The following RHOH variants were observed in gnomAD, a reference collection of about 807,000 sequenced individuals.
The protein encoded by RHOH is rho-related GTP-binding protein RhoH.
Under a neutral mutation model 13.8 loss-of-function variants are expected in RHOH, and 6 were observed. That is an observed-to-expected ratio of 0.44 (90% CI 0.24 to 0.86). The LOEUF (loss-of-function observed/expected upper bound fraction) is 0.86, where lower values mean the gene tolerates loss of function less well. Among genes scored for constraint, RHOH ranks in the 40% least tolerant of loss-of-function variants. The probability of loss-of-function intolerance (pLI) is 0.24; values close to 1 mark genes in which losing one functional copy is unlikely to be tolerated. For missense variants in RHOH, 147 were observed against 244.5 expected (o/e 0.60, Z 2.66); for synonymous variants, 117 against 103.0 (o/e 1.14, Z -0.82).
intron 1 of RHOH, among the ~76,000 whole-genome samples, chr4:40,211,262 A>G (rs1209346240): frequency 6.6e-6 from 1 of 151,762 alleles, no homozygotes; most frequent in African/African-American, 2.4e-5. Context: ...TTTTTTTTAA[A>G]TTTTATTTAT....
chr4:40,240,771 C>T (rs1729146695), intron 1 of RHOH, among the ~76,000 whole-genome samples: 1 of 151,856 alleles, frequency 6.6e-6, no homozygotes, highest in Non-Finnish European at 1.5e-5. Context: ...AGCAAAACTC[C>T]ATTTCAAAAA....
intron 1 of RHOH, among the ~76,000 whole-genome samples, chr4:40,210,251 C>T (rs1579255144): frequency 6.6e-6 from 1 of 152,162 alleles, no homozygotes; most frequent in Non-Finnish European, 1.5e-5. Context: ...GAAAGTGATA[C>T]AATACCTACC....
intron 1 of RHOH, among the ~76,000 whole-genome samples, chr4:40,217,868 C>T (rs1023014209): frequency 2.6e-5 from 4 of 152,168 alleles, no homozygotes; most frequent in Admixed American, 6.5e-5. Flanking sequence ...GTGTGTGCTA[C>T]TCGAGTGGCG....
At chr4:40,199,522 AC>A (rs1205126190) in intron 1 of RHOH, among the ~76,000 whole-genome samples, 1 of 152,214 alleles carries the variant, frequency 6.6e-6, no homozygotes, top group Non-Finnish European at 1.5e-5. Flanking sequence ...CCATTTGGTA[AC>A]AGTTTCTCTA....
intron 1 of RHOH, among the ~76,000 whole-genome samples, chr4:40,216,307 A>G (rs1282334656): frequency 6.6e-6 from 1 of 151,924 alleles, no homozygotes; most frequent in African/African-American, 2.4e-5. Flanking sequence ...CGTCTCGATT[A>G]AAAATACAAA....
Position 40,221,309 on chromosome 4 carries a change from C to CT in RHOH, c.-330-21398dup, listed in dbSNP as rs574979683. On this transcript the variant is annotated intron_variant, in intron 1 of 2. Coordinates refer to ENST00000381799, the MANE Select transcript of RHOH (RefSeq NM_004310.5). The stretch of plus-strand genomic sequence containing the variant: ...CCTTCCCAGATTGTTCAACTGGTTG[C>CT]TTTTTTTCAGTTACTAATACAGGAA... 2.6e-5 allele frequency among the ~76,000 whole-genome samples: 4 copies of CT among 152,228 alleles called. No individual in the cohort carries two copies. In the South Asian group the frequency reaches 8.3e-4, roughly 32 times the overall value.
chr4:40,193,958 T>G (rs1722879354), upstream of RHOH: 1 of 152,272 alleles, frequency 6.6e-6, no homozygotes, highest in Admixed American at 6.5e-5. Flanking sequence ...CTGGTGGCGT[T>G]TCTTGCTTTG....
chr4:40,198,044 A>T (rs546614544), intron 1 of RHOH, among the ~76,000 whole-genome samples: 35 of 152,346 alleles, frequency 2.3e-4, no homozygotes, highest in Non-Finnish European at 4.4e-4. Flanking sequence ...GAAATATTTT[A>T]AAAATCTCTA....
chr4:40,229,558 T>C (rs956716105), intron 1 of RHOH, among the ~76,000 whole-genome samples: 1 of 151,146 alleles, frequency 6.6e-6, no homozygotes, highest in Non-Finnish European at 1.5e-5. Flanking sequence ...CGCTTGAACC[T>C]TGGGGGTGGA....
chr4:40,223,933 T>C (rs575128502), intron 1 of RHOH, among the ~76,000 whole-genome samples: 3 of 152,122 alleles, frequency 2.0e-5, no homozygotes, highest in African/African-American at 7.2e-5. Flanking sequence ...CCACCATGCC[T>C]GGCTAAGTTT....
intron 1 of RHOH, among the ~76,000 whole-genome samples, chr4:40,204,099 G>A (rs1724355603): frequency 6.6e-6 from 1 of 152,198 alleles, no homozygotes; most frequent in South Asian, 2.1e-4. Flanking sequence ...ACATATGAAA[G>A]TGAATGACAT....
intron 1 of RHOH, among the ~76,000 whole-genome samples, chr4:40,228,410 A>T (rs1271354024): frequency 6.6e-6 from 1 of 152,228 alleles, no homozygotes; most frequent in Non-Finnish European, 1.5e-5. Flanking sequence ...AATAGGATAT[A>T]TAGAAATGGT....
At chr4:40,226,912 A>G (rs1386018921) in intron 1 of RHOH, among the ~76,000 whole-genome samples, 1 of 152,156 alleles carries the variant, frequency 6.6e-6, no homozygotes, top group East Asian at 1.9e-4. Flanking sequence ...TAATCTCAGC[A>G]CTTTGGGAGG....
At chr4:40,211,494 G>A (rs1316704314) in intron 1 of RHOH, among the ~76,000 whole-genome samples, 1 of 152,092 alleles carries the variant, frequency 6.6e-6, no homozygotes. Context: ...GGCTGGTCTT[G>A]AACTCCCGGC....
intron 1 of RHOH, among the ~76,000 whole-genome samples, chr4:40,215,620 G>A (rs954932649): frequency 6.6e-6 from 1 of 152,198 alleles, no homozygotes. Context: ...ACCCTTTGGG[G>A]TTCTGGCTAA....
At chr4:40,207,828 G>A (rs1056260180) in intron 1 of RHOH, among the ~76,000 whole-genome samples, 4 of 152,114 alleles carry the variant, frequency 2.6e-5, no homozygotes, top group Non-Finnish European at 4.4e-5. Context: ...TTAGCCAGGC[G>A]TGGTTGCTCA....
chr4:40,243,351 AT>A lies in RHOH; in HGVS notation c.-34del. On this transcript the variant is annotated 5_prime_UTR_variant, in exon 3 of 3. Transcript: ENST00000381799. The surrounding 1 kb of genome is among the most constrained non-coding windows in gnomAD (Gnocchi z 6.2). ...CCCACTGAGGGCTCTTTTCCCTGGG[AT>A]TCTGGACTTCAGAGTAGGACAGCAG... 6.6e-7 allele frequency: 1 copy of A among 1,525,198 alleles called. No individual in the cohort carries two copies. Among genetic ancestry groups the A allele is most frequent in the Non-Finnish European group, 8.8e-7 (1 of 1,133,996 alleles). The allele number at this position is 1,525,198 out of a possible 1,614,324, so 94.5% of individuals were successfully genotyped here. A position where few individuals can be genotyped will look rare whatever the true frequency, so the allele number is the denominator to read the frequency against.
At position 40,232,667 on chromosome 4, in the gene RHOH, C is replaced by A. The variant is rs79492127; in HGVS notation, c.-330-10047C>A. 8.7e-3 allele frequency among the ~76,000 whole-genome samples: 1,329 copies of A among 152,236 alleles called. 20 individuals are homozygous for A. Among genetic ancestry groups the A allele is most frequent in the African/African-American group, 0.029 (1,222 of 41,530 alleles). ...GTGGCTGCTGATGAGCAGAAGGCAA[C>A]CTTGGATTGTATAAAATCACAGGCT... is the stretch of plus-strand genomic sequence containing the variant. On this transcript the variant is annotated intron_variant, in intron 1 of 2. Transcript: ENST00000381799.
chr4:40,237,800 A>G (rs61117412), intron 1 of RHOH, among the ~76,000 whole-genome samples: 9,322 of 152,312 alleles, frequency 0.061, 353 homozygotes, highest in Non-Finnish European at 0.076. Context: ...TTTTAAAAAA[A>G]GACAGCTGAG....
Sources: gnomAD v4.1 joint callset for allele counts (sites outside exome capture counted in the v4.1 genomes callset) on GRCh38, gnomAD v4.1.1 for gene constraint, Gnocchi (gnomAD v3.1) non-coding constraint, MANE v1.5 for transcripts, NCBI Gene and HGNC (gene_info 2026-07-23, HGNC 2026-07-21) for gene names.